Variants in DPP9 observed in about 807,000 individuals in gnomAD.
DPP9 encodes the protein dipeptidyl peptidase IV-related protein-2.
A neutral mutation model predicts 110.7 loss-of-function variants in DPP9; 50 were observed. The observed-to-expected ratio is 0.45, with a 90% CI of 0.36 to 0.57. The LOEUF (loss-of-function observed/expected upper bound fraction) is 0.57. Ranked by LOEUF, DPP9 falls within the 20% of genes least tolerant of loss-of-function variation. The probability of loss-of-function intolerance (pLI) is 0.00; values close to 1 mark genes in which losing one functional copy is unlikely to be tolerated. For synonymous variants in DPP9, 561 were observed against 514.4 expected (o/e 1.09, Z -1.23); for missense variants, 1,022 against 1,217.9 (o/e 0.84, Z 2.39).
chr19:4,689,670 G>A lies in DPP9; in HGVS notation c.1649C>T (p.Thr550Met), dbSNP rs1252198212. The A allele has an allele frequency of 9.6e-6, 15 of 1,560,158 alleles. No homozygotes were observed. Among genetic ancestry groups the A allele is most frequent in the Admixed American group, 3.8e-5 (2 of 52,224 alleles). The change falls in exon 15 of 22, where the codon ACG (threonine) becomes ATG (methionine). Residue 550 changes from threonine to methionine, a missense_variant. Physicochemically the swap from Thr to Met is moderately conservative, Grantham distance 81 (BLOSUM62 -1). This residue lies in a region of DPP9 where 810 missense variants were observed against 920.6 expected (regional missense o/e 0.88). Transcript: ENST00000262960. This position sits in a 1 kb window ranked among gnomAD's most constrained non-coding sequence, Gnocchi z 7.0. ...CACGTAGAGGTGGTGCTCCAGCGGC[G>A]TGTCCTTGGTGCCCTGGAAGTACAC... ...KLVYFQGTKD[T>M]PLEHHLYVVS...
intron 20 of DPP9, among the ~76,000 whole-genome samples, chr19:4,681,187 G>A (rs776790867): frequency 3.3e-5 from 5 of 152,282 alleles, no homozygotes; most frequent in Non-Finnish European, 4.4e-5. Flanking sequence ...TGGCTGCCCC[G>A]GGACAGGGAG....
At chr19:4,702,846 G>GAGGGAA (rs2092361416) in intron 7 of DPP9, 130 bp from the exon 8 acceptor site, 2 of 137,492 alleles carry the variant, frequency 1.5e-5, no homozygotes, top group African/African-American at 8.0e-5. Flanking sequence ...GAGAGGGGGA[G>GAGGGAA]GGAGAGGGAG....
intron 18 of DPP9, chr19:4,683,940 C>G: frequency 1.1e-6 from 1 of 886,524 alleles, no homozygotes; most frequent in Non-Finnish European, 1.6e-6. Context: ...CTAGAGGGCA[C>G]AAGGAAGAAA....
At position 4,685,812 on chromosome 19, in the gene DPP9, C is replaced by T. The variant is rs1400503341; in HGVS notation, c.1886-41G>A. ...CGGCTATCTGGCTGCCCGGGGAAGC[C>T]ACATCCAGCTGACACCCTTGTTCTC... On this transcript the variant is annotated intron_variant, in intron 16 of 21. Coordinates refer to ENST00000262960, the MANE Select transcript of DPP9 (RefSeq NM_139159.5). The surrounding 1 kb of genome is among the most constrained non-coding windows in gnomAD (Gnocchi z 5.8). The T allele has an allele frequency of 2.5e-6, 4 of 1,602,530 alleles. No individual in the cohort carries two copies. The highest frequency in any genetic ancestry group is 3.4e-6 in the Non-Finnish European group (4 of 1,175,598).
At chr19:4,713,940 A>G (rs2092956378) in intron 4 of DPP9, 141 bp downstream of exon 4, 1 of 1,283,548 alleles carries the variant, frequency 7.8e-7, no homozygotes, top group Non-Finnish European at 1.0e-6. Flanking sequence ...TCTGTGGCTG[A>G]GCCTCGAAGG....
At chr19:4,706,672 C>T (rs563991906) in intron 4 of DPP9, among the ~76,000 whole-genome samples, 5 of 152,218 alleles carry the variant, frequency 3.3e-5, no homozygotes, top group East Asian at 1.9e-4. Context: ...AAAAATTAGC[C>T]GGGCGTGGTG....
In DPP9 at chr19:4,685,162, A is replaced by G. The variant is rs1184604579; in HGVS notation, c.2032-353T>C. 3 of 544,586 alleles carry G rather than the reference A, an allele frequency of 5.5e-6. No homozygotes were observed. Among genetic ancestry groups the G allele is most frequent in the Admixed American group, 4.5e-5 (2 of 44,918 alleles). The allele number at this position is 544,586 out of a possible 1,614,324, so 33.7% of individuals were successfully genotyped here. On this transcript the variant is annotated intron_variant, in intron 17 of 21. Coordinates refer to ENST00000262960, the MANE Select transcript of DPP9 (RefSeq NM_139159.5). The surrounding 1 kb of genome is among the most constrained non-coding windows in gnomAD (Gnocchi z 5.8). ...TGCTGAGAAGCCACTCCAGGCCAGG[A>G]GAACTCGCAGTGGTGATGAACCACA...
At chr19:4,714,902 C>T (rs2093003788) in intron 3 of DPP9, among the ~76,000 whole-genome samples, 1 of 152,124 alleles carries the variant, frequency 6.6e-6, no homozygotes, top group South Asian at 2.1e-4. Context: ...CACTCAGCTC[C>T]TCAAACAGGC....
chr19:4,701,203 C>A (rs2092230776), intron 9 of DPP9, among the ~76,000 whole-genome samples: 1 of 152,132 alleles, frequency 6.6e-6, no homozygotes, highest in African/African-American at 2.4e-5. Context: ...GCGTGTGGCT[C>A]ACGTCTGTAA....
rs1232526817 is a variant in DPP9 at position 4,710,409 on chromosome 19, GCGGGAGCGGGGT to G, written c.313+3660_313+3671del. Among the ~76,000 whole-genome samples, 2 of 152,354 alleles carry G rather than the reference GCGGGAGCGGGGT, an allele frequency of 1.3e-5. No individual in the cohort carries two copies. The highest frequency in any genetic ancestry group is 4.8e-5 in the African/African-American group (2 of 41,592). ...GTGGGGAGAGGCTGATCCGCGTGGG[GCGGGAGCGGGGT>G]CGGGAGCGTTTCCCAATGCTGCAGT... On this transcript the variant is annotated intron_variant, in intron 4 of 21. Transcript: ENST00000262960. The surrounding 1 kb of genome is among the most constrained non-coding windows in gnomAD (Gnocchi z 5.6).
In DPP9 at chr19:4,676,564, T is replaced by G; in HGVS notation, c.2679A>C (p.Ter893CysextTer59). 1 of 1,592,376 alleles carries G rather than the reference T, an allele frequency of 6.3e-7. No individual in the cohort carries two copies. Among genetic ancestry groups the G allele is most frequent in the Non-Finnish European group, 8.5e-7 (1 of 1,170,304 alleles). ...TLLHFLQEYL[*>C] ...ATGTGGCGGCTCCCGGTGGGCAGGC[T>G]CAGAGGTATTCCTGTAGAAAGTGCA... The change falls in exon 22 of 22, where the codon TGA becomes TGC. Residue 893 changes from the stop codon to cysteine, a stop_lost. Transcript: ENST00000262960. This position sits in a 1 kb window ranked among gnomAD's most constrained non-coding sequence, Gnocchi z 4.0.
intron 3 of DPP9, chr19:4,719,645 C>T: frequency 1.6e-6 from 1 of 635,290 alleles, no homozygotes; most frequent in Non-Finnish European, 2.7e-6. Flanking sequence ...AGAGAACATT[C>T]CAGCCCCAGC....
Position 4,687,162 on chromosome 19 carries a change from G to C in DPP9, c.1886-1391C>G, listed in dbSNP as rs894890324. 6.6e-6 allele frequency among the ~76,000 whole-genome samples: 1 copy of C among 152,192 alleles called. No homozygotes were observed. Among genetic ancestry groups the C allele is most frequent in the Non-Finnish European group, 1.5e-5 (1 of 68,038 alleles). The stretch of plus-strand genomic sequence containing the variant: ...CCTGGCGGTGTCGGTGCGGACAGGA[G>C]AGTGAGGACTGGGCTCTAGAGGGAG... On this transcript the variant is annotated intron_variant, in intron 16 of 21. Transcript: ENST00000262960. This position sits in a 1 kb window ranked among gnomAD's most constrained non-coding sequence, Gnocchi z 4.7.
At chr19:4,686,493 T>A (rs1280094046) in intron 16 of DPP9, among the ~76,000 whole-genome samples, 1 of 152,054 alleles carries the variant, frequency 6.6e-6, no homozygotes, top group African/African-American at 2.4e-5. Flanking sequence ...CTAATTTTTG[T>A]ACTTTTAGTA....
intron 3 of DPP9, among the ~76,000 whole-genome samples, chr19:4,717,357 G>A (rs1679562915): frequency 6.6e-6 from 1 of 152,196 alleles, no homozygotes; most frequent in Non-Finnish European, 1.5e-5. Flanking sequence ...AGGACCGCCT[G>A]AGCACTCAAG....
chr19:4,703,755 C>T, intron 7 of DPP9, 131 bp downstream of exon 7: 1 of 915,972 alleles, frequency 1.1e-6, no homozygotes, highest in South Asian at 1.7e-5. Flanking sequence ...TGGTAGGCTA[C>T]AGAAGGTATG....
intron 3 of DPP9, chr19:4,717,779 T>C (rs2093147311): frequency 6.6e-6 from 1 of 152,254 alleles, no homozygotes; most frequent in Admixed American, 6.5e-5. Context: ...GGCCCTCCGC[T>C]GACCTCTCTT....
At position 4,683,529 on chromosome 19, in the gene DPP9, T is replaced by C. The variant is rs778143451; in HGVS notation, c.2279A>G (p.Tyr760Cys). ...CCCCATGAGCGAGAGGAAGCCCCCG[T>C]AGGACCAGCCATGGATGGCAACTCG... ...LSRVAIHGWS[Y>C]GGFLSLMGLI... is the part of the protein sequence containing the mutation. The change falls in exon 19 of 22, where the codon TAC becomes TGC. Residue 760 changes from tyrosine to cysteine, a missense_variant. Physicochemically the swap from Tyr to Cys is radical, Grantham distance 194. Coordinates refer to ENST00000262960, the MANE Select transcript of DPP9 (RefSeq NM_139159.5). 1.9e-6 allele frequency: 3 copies of C among 1,613,306 alleles called. No homozygotes were observed. Among genetic ancestry groups the C allele is most frequent in the Admixed American group, 1.7e-5 (1 of 60,022 alleles).
In DPP9 at chr19:4,675,347, T is replaced by A. The variant is rs773248252; in HGVS notation, c.*1217A>T. The A allele has an allele frequency of 6.6e-6, 1 of 152,492 alleles. No homozygotes were observed. The highest frequency in any genetic ancestry group is 1.5e-5 in the Non-Finnish European group (1 of 67,986). 9.4% of individuals were successfully genotyped at this position (152,492 alleles called of 1,614,324 possible). ...GTAGAGGTGGTTTGTTTCTTTTTTT[T>A]TTTTTTCTTTTCTTTTTACTTTTTT... On this transcript the variant is annotated 3_prime_UTR_variant, in exon 22 of 22. Transcript: ENST00000262960.
Sources: allele counts gnomAD v4.1 joint callset (sites outside exome capture counted in the v4.1 genomes callset), GRCh38; gene constraint gnomAD v4.1.1; regional missense constraint gnomAD v4.1.1; non-coding constraint Gnocchi (gnomAD v3.1); transcripts MANE v1.5; gene names NCBI Gene and HGNC (gene_info 2026-07-23, HGNC 2026-07-21).